PTPRT: variants seen among roughly 807,000 people sequenced by gnomAD.
PTPRT encodes receptor-type tyrosine-protein phosphatase T.
A neutral mutation model predicts 176.8 loss-of-function variants in PTPRT; 56 were observed. The observed-to-expected ratio is 0.32, with a 90% CI of 0.26 to 0.40. The LOEUF is 0.40. PTPRT is among the 10% of genes least tolerant of loss of function. The probability of loss-of-function intolerance (pLI) is 1.00; values close to 1 mark genes in which losing one functional copy is unlikely to be tolerated. For synonymous variants in PTPRT, 783 were observed against 739.0 expected, an observed-to-expected ratio of 1.06 and a Z score of -0.96; for missense variants, 1,540 against 1,908.2, an observed-to-expected ratio of 0.81 and a Z score of 3.60.
At chr20:42,409,875 G>C (rs967186856) in intron 9 of PTPRT, among the ~76,000 whole-genome samples, 20 of 152,132 alleles carry the variant, frequency 1.3e-4, no homozygotes, top group African/African-American at 4.8e-4. Context: ...TTTAATTCTA[G>C]AAATGGAGCA....
chr20:42,746,123 T>C (rs2076687196), intron 6 of PTPRT, among the ~76,000 whole-genome samples: 1 of 152,246 alleles, frequency 6.6e-6, no homozygotes, highest in South Asian at 2.1e-4. Flanking sequence ...ATGCAGCTGA[T>C]AAAGTAGTCA....
chr20:42,812,857 ATTG>A (rs1289304004), intron 2 of PTPRT, among the ~76,000 whole-genome samples: 2 of 152,066 alleles, frequency 1.3e-5, no homozygotes, highest in African/African-American at 4.8e-5. Flanking sequence ...ATAATTTGTT[ATTG>A]TTGTTATACT....
intron 1 of PTPRT, among the ~76,000 whole-genome samples, chr20:42,985,451 A>G (rs6030587): frequency 0.85 from 129,076 of 152,032 alleles, 55,194 homozygotes; most frequent in African/African-American, 0.96. Context: ...CCAAGATCAC[A>G]CCATTGCACT....
intron 2 of PTPRT, among the ~76,000 whole-genome samples, chr20:42,793,928 C>T (rs545846992): frequency 1.4e-4 from 21 of 152,282 alleles, no homozygotes; most frequent in African/African-American, 4.3e-4. Context: ...TGTCTCTCTC[C>T]TCTCTGAATC....
At chr20:42,388,418 C>A (rs916772668) in intron 9 of PTPRT, among the ~76,000 whole-genome samples, 1 of 152,074 alleles carries the variant, frequency 6.6e-6, no homozygotes, top group Non-Finnish European at 1.5e-5. Flanking sequence ...AGCACTTAAA[C>A]AAATTTACAA....
chr20:42,229,459 T>C (rs1453739744), intron 15 of PTPRT, among the ~76,000 whole-genome samples: 6 of 152,266 alleles, frequency 3.9e-5, no homozygotes, highest in Non-Finnish European at 7.3e-5. Flanking sequence ...TCATTTTTAT[T>C]CAAAGTGGCT....
At chr20:42,098,276 G>C in intron 27 of PTPRT, 145 bp downstream of exon 27, 2 of 1,140,988 alleles carry the variant, frequency 1.8e-6, no homozygotes, top group Non-Finnish European at 2.4e-6. Flanking sequence ...AGAATGGCTT[G>C]TCTGATGCTC....
At chr20:42,795,732 G>A (rs13040363) in intron 2 of PTPRT, among the ~76,000 whole-genome samples, 60,795 of 151,788 alleles carry the variant, frequency 0.4, 14,214 homozygotes, top group East Asian at 0.53. Flanking sequence ...AGTTAAGTAA[G>A]CTGGGTTTCA....
chr20:42,197,882 A>G (rs779757923), intron 16 of PTPRT, among the ~76,000 whole-genome samples: 2 of 152,306 alleles, frequency 1.3e-5, no homozygotes, highest in Non-Finnish European at 2.9e-5. Flanking sequence ...GGTTTAAACT[A>G]ATCTCTCTTC....
intron 7 of PTPRT, among the ~76,000 whole-genome samples, chr20:42,622,367 G>C (rs1236941101): frequency 6.6e-6 from 1 of 151,576 alleles, no homozygotes; most frequent in Non-Finnish European, 1.5e-5. Flanking sequence ...TCAGCCTCCC[G>C]AGTAGCTGGG....
intron 8 of PTPRT, among the ~76,000 whole-genome samples, chr20:42,471,042 T>A (rs1342947446): frequency 6.6e-6 from 1 of 152,078 alleles, no homozygotes; most frequent in Non-Finnish European, 1.5e-5. Flanking sequence ...CAGTATAGAA[T>A]TGGAGATTAG....
At chr20:42,117,673 A>G (rs1987357472) in intron 21 of PTPRT, among the ~76,000 whole-genome samples, 1 of 152,184 alleles carries the variant, frequency 6.6e-6, no homozygotes, top group South Asian at 2.1e-4. Context: ...GATATTGACA[A>G]TATCACTATT....
chr20:42,350,621 T>A lies in PTPRT; in HGVS notation c.1865+7A>T. On this transcript the variant is annotated splice_region_variant and intron_variant, in intron 11 of 30. Coordinates refer to ENST00000373187, the MANE Select transcript of PTPRT (RefSeq NM_007050.6). ...ACTGCAGACTCCAAGTGAAGAACCA[T>A]CCTCACCTGACAGGAGCTCCCCGGG... The A allele has an allele frequency of 6.3e-7, 1 of 1,591,278 alleles. No homozygotes were observed. The highest frequency in any genetic ancestry group is 8.6e-7 in the Non-Finnish European group (1 of 1,159,282).
chr20:42,086,739 A>ATATATATATATATATAT (rs1555858277), intron 27 of PTPRT, among the ~76,000 whole-genome samples: 1 of 65,396 alleles, frequency 1.5e-5, no homozygotes, highest in African/African-American at 7.4e-5. Context: ...AAAAAAAAAA[A>ATATATATATATATATAT]AAAAAAAAAA....
At chr20:42,301,215 A>G (rs1290541819) in intron 12 of PTPRT, among the ~76,000 whole-genome samples, 1 of 152,250 alleles carries the variant, frequency 6.6e-6, no homozygotes, top group Admixed American at 6.5e-5. Context: ...GAACAAACTG[A>G]TATCATGTGC....
intron 7 of PTPRT, among the ~76,000 whole-genome samples, chr20:42,612,702 C>G (rs530388172): frequency 1.2e-4 from 19 of 152,056 alleles, no homozygotes; most frequent in African/African-American, 4.6e-4. Context: ...CATGCAAACC[C>G]AGAAGCCTCA....
chr20:42,722,189 AG>A (rs2076314533), intron 6 of PTPRT, among the ~76,000 whole-genome samples: 1 of 152,056 alleles, frequency 6.6e-6, no homozygotes, highest in Non-Finnish European at 1.5e-5. Flanking sequence ...GTTAAAACAC[AG>A]ATTCTGATTC....
At chr20:43,040,474 A>G (rs1276894669) in intron 1 of PTPRT, among the ~76,000 whole-genome samples, 1 of 152,242 alleles carries the variant, frequency 6.6e-6, no homozygotes, top group Non-Finnish European at 1.5e-5. Flanking sequence ...ACACGAAATT[A>G]TAACAGCCAA....
chr20:42,621,092 A>G (rs918853730), intron 7 of PTPRT, among the ~76,000 whole-genome samples: 2 of 152,132 alleles, frequency 1.3e-5, no homozygotes, highest in Non-Finnish European at 2.9e-5. Flanking sequence ...AACAAGTGGG[A>G]ATTATGGGAG....
Sources: gnomAD v4.1 joint callset for allele counts (sites outside exome capture counted in the v4.1 genomes callset) on GRCh38, gnomAD v4.1.1 for gene constraint, MANE v1.5 for transcripts, NCBI Gene and HGNC (gene_info 2026-07-23, HGNC 2026-07-21) for gene names.